HERPUD2: variants seen among roughly 807,000 people sequenced by gnomAD.
The protein encoded by HERPUD2 is HERPUD family member 2, also known as homocysteine-responsive endoplasmic reticulum-resident ubiquitin-like domain member 2 protein.
A neutral mutation model predicts 49.9 loss-of-function variants in HERPUD2; 13 were observed. The observed-to-expected ratio is 0.26, with a 90% CI of 0.17 to 0.41. HERPUD2 has a LOEUF of 0.41. Ranked by LOEUF, HERPUD2 falls within the 10% of genes least tolerant of loss-of-function variation. HERPUD2 has a pLI of 1.00. For missense variants in HERPUD2, 449 were observed against 492.2 expected, an observed-to-expected ratio of 0.91 and a Z score of 0.83; for synonymous variants, 172 against 171.4, an observed-to-expected ratio of 1.00 and a Z score of -0.03.
intron 5 of HERPUD2, among the ~76,000 whole-genome samples, chr7:35,666,984 G>A (rs1482040252): frequency 1.3e-5 from 2 of 152,192 alleles, no homozygotes; most frequent in African/African-American, 2.4e-5. Context: ...ACTCTTTCAA[G>A]TATACCTTCA....
chr7:35,681,640 TATTATTCAG>T (rs1229523957), intron 2 of HERPUD2, among the ~76,000 whole-genome samples: 3 of 152,138 alleles, frequency 2.0e-5, no homozygotes, highest in African/African-American at 7.2e-5. Context: ...ACACACGGAA[TATTATTCAG>T]CCACAAAAAG....
At chr7:35,652,393 C>A (rs1785186119) in intron 5 of HERPUD2, among the ~76,000 whole-genome samples, 1 of 152,054 alleles carries the variant, frequency 6.6e-6, no homozygotes, top group Non-Finnish European at 1.5e-5. Flanking sequence ...AGATACAATT[C>A]AAAAAGGTCT....
Position 35,682,268 on chromosome 7 carries a change from TA to T in HERPUD2, c.148-8991del, listed in dbSNP as rs1562686039. On this transcript the variant is annotated intron_variant, in intron 2 of 8. Transcript: ENST00000311350. ...ATACACACGTGTGTGTGTGTATATA[TA>T]GATATATACACATACACACGTGTGT... Among the ~76,000 whole-genome samples the T allele has an allele frequency of 5.1e-4, 31 of 60,254 alleles. 6 individuals carry two copies. Among genetic ancestry groups the T allele is most frequent in the Middle Eastern group, 7.7e-3 (1 of 130 alleles). 39.5% of individuals were successfully genotyped at this position (60,254 alleles called of 152,430 possible).
chr7:35,677,587 A>G (rs1253311388), intron 2 of HERPUD2, among the ~76,000 whole-genome samples: 2 of 152,230 alleles, frequency 1.3e-5, no homozygotes, highest in Non-Finnish European at 2.9e-5. Flanking sequence ...TACAACTTAT[A>G]AACAGTTTTG....
intron 2 of HERPUD2, among the ~76,000 whole-genome samples, chr7:35,674,454 GA>G (rs1785716893): frequency 4.1e-5 from 5 of 121,712 alleles, no homozygotes; most frequent in Non-Finnish European, 8.5e-5. Flanking sequence ...GAGAGAGAGA[GA>G]GAGAGAGAGG....
chr7:35,633,964 G>A lies in HERPUD2; in HGVS notation c.1060-113C>T, dbSNP rs1784829807. 1.2e-5 allele frequency: 13 copies of A among 1,119,564 alleles called. No individual in the cohort carries two copies. In the South Asian group the frequency reaches 2.4e-4, roughly 21 times the overall value. 69.4% of individuals were successfully genotyped at this position (1,119,564 alleles called of 1,614,324 possible). On this transcript the variant is annotated intron_variant, in intron 8 of 8. Coordinates refer to ENST00000311350, the MANE Select transcript of HERPUD2 (RefSeq NM_022373.5). ...AAGGACTATGAAGTGGTATGTATGT[G>A]GTCATTAGAAATCTTTAAGGCCAAA...
At chr7:35,644,544 G>A (rs148785500) in intron 5 of HERPUD2, among the ~76,000 whole-genome samples, 1,674 of 152,316 alleles carry the variant, frequency 0.011, 17 homozygotes, top group Middle Eastern at 0.024. Flanking sequence ...GAGGCAGGTG[G>A]ATTGCTTGAG....
chr7:35,654,572 A>C (rs1044638237), intron 5 of HERPUD2, among the ~76,000 whole-genome samples: 1 of 146,492 alleles, frequency 6.8e-6, no homozygotes, highest in Admixed American at 6.9e-5. Context: ...ACCAATAATG[A>C]GTAATGAGAT....
At chr7:35,639,142 C>T (rs1328125070) in intron 5 of HERPUD2, among the ~76,000 whole-genome samples, 1 of 151,924 alleles carries the variant, frequency 6.6e-6, no homozygotes, top group Non-Finnish European at 1.5e-5. Flanking sequence ...AATTCTCCTG[C>T]CTCAGTCTCC....
At position 35,694,399 on chromosome 7, in the gene HERPUD2, G is replaced by T. The variant is rs535985145; in HGVS notation, c.-69C>A. ...GCCCAAAAGAGCCGAGATGGTCACC[G>T]CCGGCGCGACTGGGATGAGGACAGA... On this transcript the variant is annotated 5_prime_UTR_variant, in exon 2 of 9. Coordinates refer to ENST00000311350, the MANE Select transcript of HERPUD2 (RefSeq NM_022373.5). 3.9e-6 allele frequency: 6 copies of T among 1,554,404 alleles called. No individual in the cohort carries two copies. The East Asian group carries it at 6.7e-5, about 17-fold the overall frequency.
intron 2 of HERPUD2, among the ~76,000 whole-genome samples, chr7:35,682,899 A>C (rs959641421): frequency 2.0e-5 from 3 of 152,072 alleles, no homozygotes; most frequent in Admixed American, 2.0e-4. Context: ...AAACAACAAA[A>C]CACTGGTGAA....
intron 2 of HERPUD2, among the ~76,000 whole-genome samples, chr7:35,677,658 CT>C (rs769357178): frequency 6.6e-6 from 1 of 152,146 alleles, no homozygotes; most frequent in Non-Finnish European, 1.5e-5. Flanking sequence ...GAGGGTCTTC[CT>C]TTTGGTTTGT....
intron 2 of HERPUD2, among the ~76,000 whole-genome samples, chr7:35,682,357 G>GTGTGTA (rs1315389393): frequency 3.9e-5 from 1 of 25,826 alleles, no homozygotes; most frequent in African/African-American, 1.4e-4. Flanking sequence ...GTGTGTGTGT[G>GTGTGTA]TATATATATA....
intron 5 of HERPUD2, among the ~76,000 whole-genome samples, chr7:35,666,842 G>A (rs1024661585): frequency 2.6e-5 from 4 of 152,116 alleles, no homozygotes; most frequent in Non-Finnish European, 4.4e-5. Flanking sequence ...CAAAGATTCT[G>A]GACAACATGC....
intron 5 of HERPUD2, among the ~76,000 whole-genome samples, chr7:35,642,459 G>A (rs1369724870): frequency 2.6e-5 from 4 of 152,114 alleles, no homozygotes; most frequent in East Asian, 3.8e-4. Flanking sequence ...CCATTACTGG[G>A]TATATACCCA....
At chr7:35,651,253 C>T (rs1397041804) in intron 5 of HERPUD2, among the ~76,000 whole-genome samples, 3 of 152,120 alleles carry the variant, frequency 2.0e-5, no homozygotes, top group African/African-American at 4.8e-5. Flanking sequence ...GGCATCCAAA[C>T]AAGCTGACTG....
chr7:35,640,773 GA>G (rs1784956302), intron 5 of HERPUD2, among the ~76,000 whole-genome samples: 1 of 152,050 alleles, frequency 6.6e-6, no homozygotes, highest in Non-Finnish European at 1.5e-5. Flanking sequence ...CATTACTTAA[GA>G]ATTTAATATA....
At chr7:35,663,612 ATAGT>A (rs1223871137) in intron 5 of HERPUD2, among the ~76,000 whole-genome samples, 22 of 152,180 alleles carry the variant, frequency 1.4e-4, no homozygotes, top group African/African-American at 5.3e-4. Context: ...TATATTTAAG[ATAGT>A]TAGCTCCTCT....
chr7:35,633,506 A>G lies in HERPUD2; in HGVS notation c.*184T>C, dbSNP rs1158287104. On this transcript the variant is annotated 3_prime_UTR_variant, in exon 9 of 9. Transcript: ENST00000311350. ...TTAGGATCTTTAAAAAAAAAAAAAA[A>G]AAACTCAGATATTTAGTAGTCCATT... The G allele has an allele frequency of 2.2e-6, 1 of 454,526 alleles. No individual in the cohort carries two copies. The highest frequency in any genetic ancestry group is 3.9e-5 in the Admixed American group (1 of 25,384). 28.2% of individuals were successfully genotyped at this position (454,526 alleles called of 1,614,324 possible). A position where few individuals can be genotyped will look rare whatever the true frequency, so the allele number is the denominator to read the frequency against.
Sources: allele counts gnomAD v4.1 joint callset (sites outside exome capture counted in the v4.1 genomes callset), GRCh38; gene constraint gnomAD v4.1.1; transcripts MANE v1.5; gene names NCBI Gene and HGNC (gene_info 2026-07-23, HGNC 2026-07-21).